The following TGM6 variants were observed in gnomAD, a reference collection of about 807,000 sequenced individuals.
The protein encoded by TGM6 is protein-glutamine gamma-glutamyltransferase 6.
Under a neutral mutation model 77.5 loss-of-function variants are expected in TGM6, and 74 were observed. The observed-to-expected ratio is 0.96, with a 90% CI of 0.79 to 1.16. The LOEUF (loss-of-function observed/expected upper bound fraction) is 1.16. Among genes scored for constraint, TGM6 ranks in the 50% most tolerant of loss-of-function variants. TGM6 has a pLI of 0.00. For synonymous variants in TGM6, 383 were observed against 378.9 expected (o/e 1.01, Z -0.12); for missense variants, 968 against 940.2 (o/e 1.03, Z -0.39).
At chr20:2,394,076 G>C (rs1053641353) in intron 1 of TGM6, among the ~76,000 whole-genome samples, 10 of 152,038 alleles carry the variant, frequency 6.6e-5, no homozygotes, top group African/African-American at 2.4e-4. Context: ...GATCACCTGA[G>C]GTCAGGAGTT....
Position 2,394,485 on chromosome 20 carries a change from C to A in TGM6, c.41C>A (p.Ser14Ter), listed in dbSNP as rs146817175. 3.1e-6 allele frequency: 5 copies of A among 1,611,412 alleles called. No homozygotes were observed. Among genetic ancestry groups the A allele is most frequent in the African/African-American group, 2.7e-5 (2 of 74,820 alleles). ...GTCACCAAGGTGGACTGGCAGCGGT[C>A]GAGGAATGGCGCTGCCCACCACACC... is the stretch of plus-strand genomic sequence containing the variant. The part of the protein sequence containing the change: ...IRVTKVDWQR[S>*]RNGAAHHTQE... Residue 14 changes from serine to a stop codon, truncating the protein, a stop_gained, in exon 2 of 13, where the codon TCG becomes TAG. Transcript: ENST00000202625. LOFTEE classifies it high-confidence loss of function.
chr20:2,402,403 C>T (rs2084717199), intron 7 of TGM6, among the ~76,000 whole-genome samples: 1 of 152,168 alleles, frequency 6.6e-6, no homozygotes, highest in African/African-American at 2.4e-5. Context: ...CTTTGCTCCC[C>T]TTGGCCTCTC....
chr20:2,403,441 T>A lies in TGM6; in HGVS notation c.1034T>A (p.Leu345Gln). 1 of 1,614,158 alleles carries A rather than the reference T, an allele frequency of 6.2e-7. No homozygotes were observed. The highest frequency in any genetic ancestry group is 1.3e-5 in the African/African-American group (1 of 75,038). The change falls in exon 8 of 13, where the codon CTA becomes CAA. Residue 345 changes from leucine to glutamine, a missense_variant. Physicochemically the swap from Leu to Gln is moderately radical, Grantham distance 113 (BLOSUM62 -2). Coordinates refer to ENST00000202625, the MANE Select transcript of TGM6 (RefSeq NM_198994.3). The part of the protein sequence containing the change: ...WNESWFARQD[L>Q]GPSYNGWQVL... ...GAGAGCTGGTTTGCCCGGCAGGACC[T>A]AGGCCCCTCTTACAATGGCTGGCAG...
chr20:2,417,101 G>C (rs1599960865), intron 9 of TGM6, 131 bp from the exon 10 acceptor site: 1 of 784,322 alleles, frequency 1.3e-6, no homozygotes, highest in Non-Finnish European at 2.1e-6. Context: ...TATTTACATA[G>C]AGAATCAAAC....
intron 7 of TGM6, among the ~76,000 whole-genome samples, chr20:2,402,900 T>C (rs1287559004): frequency 6.6e-6 from 1 of 152,236 alleles, no homozygotes; most frequent in Non-Finnish European, 1.5e-5. Context: ...TTAGGACCTT[T>C]GCACATGCTG....
intron 1 of TGM6, among the ~76,000 whole-genome samples, chr20:2,381,265 G>T (rs906034772): frequency 6.6e-6 from 1 of 152,192 alleles, no homozygotes; most frequent in African/African-American, 2.4e-5. Context: ...GGCACAGGAA[G>T]GCAGGGGCAG....
chr20:2,404,510 C>T (rs1396070278), intron 9 of TGM6, among the ~76,000 whole-genome samples: 1 of 152,176 alleles, frequency 6.6e-6, no homozygotes, highest in East Asian at 1.9e-4. Flanking sequence ...ACCCTGTCTC[C>T]TCCTGTCCCC....
In TGM6 at chr20:2,396,635, G is replaced by C. The variant is rs748778105; in HGVS notation, c.543+11G>C. Reference sequence around the variant, plus strand: ...TGGAACTACGGGCAGGTCTCCAGGGGCACAGGCCAGACAAGGATGTGGGCT... The same window carrying C: ...TGGAACTACGGGCAGGTCTCCAGGGCCACAGGCCAGACAAGGATGTGGGCT... On this transcript the variant is annotated intron_variant, in intron 4 of 12. Transcript: ENST00000202625. 2 of 1,613,412 alleles carry C rather than the reference G, an allele frequency of 1.2e-6. No homozygotes were observed. The highest frequency in any genetic ancestry group is 1.3e-5 in the African/African-American group (1 of 75,042).
Position 2,399,742 on chromosome 20 carries a change from C to T in TGM6, c.850+4C>T, listed in dbSNP as rs765181893. On this transcript the variant is annotated splice_donor_region_variant and intron_variant, in intron 6 of 12. Coordinates refer to ENST00000202625, the MANE Select transcript of TGM6 (RefSeq NM_198994.3). Reference sequence around the variant, plus strand: ...TTCGCCGGAGTCCTGTGCACAGGTACCCTGGGAGAGAAGGGCCCCAGGGTA... The same window carrying T: ...TTCGCCGGAGTCCTGTGCACAGGTATCCTGGGAGAGAAGGGCCCCAGGGTA... 8.1e-6 allele frequency: 13 copies of T among 1,613,048 alleles called. No homozygotes were observed. In the East Asian group the frequency reaches 2.0e-4, roughly 25 times the overall value.
intron 10 of TGM6, among the ~76,000 whole-genome samples, chr20:2,422,058 G>T (rs980347832): frequency 6.6e-6 from 1 of 152,092 alleles, no homozygotes; most frequent in African/African-American, 2.4e-5. Flanking sequence ...CTTGAACCCG[G>T]GAGGCGGAGG....
intron 7 of TGM6, among the ~76,000 whole-genome samples, chr20:2,400,960 A>C (rs1005577296): frequency 6.6e-6 from 1 of 151,960 alleles, no homozygotes; most frequent in African/African-American, 2.4e-5. Context: ...AATTGCTTGA[A>C]CCCAGGAGGC....
chr20:2,397,529 G>A (rs1293445488), intron 4 of TGM6, among the ~76,000 whole-genome samples: 1 of 152,192 alleles, frequency 6.6e-6, no homozygotes, highest in East Asian at 1.9e-4. Flanking sequence ...AAACCTAAAT[G>A]TGTATGCAAA....
chr20:2,409,858 T>A (rs1389988442), intron 9 of TGM6, among the ~76,000 whole-genome samples: 1 of 152,206 alleles, frequency 6.6e-6, no homozygotes, highest in Non-Finnish European at 1.5e-5. Context: ...ACCAGTTGAT[T>A]CTTTGAAAAG....
chr20:2,399,616 G>C lies in TGM6; in HGVS notation c.728G>C (p.Gly243Ala), dbSNP rs751595281. Residue 243 changes from glycine to alanine, a missense_variant, in exon 6 of 13, where the codon GGC becomes GCC. Physicochemically the swap from Gly to Ala is moderately conservative, Grantham distance 60. Coordinates refer to ENST00000202625, the MANE Select transcript of TGM6 (RefSeq NM_198994.3). ...CAAGGACAGTGGCAGGGCAAGTACG[G>C]CGGCGGCACCAGCCCGCTGCACTGG... ...VVQGQWQGKY[G>A]GGTSPLHWRG... The C allele has an allele frequency of 3.7e-6, 6 of 1,613,438 alleles. No individual in the cohort carries two copies. Among genetic ancestry groups the C allele is most frequent in the Non-Finnish European group, 5.1e-6 (6 of 1,179,978 alleles).
intron 1 of TGM6, among the ~76,000 whole-genome samples, chr20:2,385,994 C>T (rs2084592906): frequency 6.6e-6 from 1 of 152,156 alleles, no homozygotes; most frequent in African/African-American, 2.4e-5. Flanking sequence ...ACAGAAGCCT[C>T]CGTCTTAAAA....
At chr20:2,395,611 G>A (rs1176074113) in intron 3 of TGM6, among the ~76,000 whole-genome samples, 175 bp downstream of exon 3, 1 of 152,100 alleles carries the variant, frequency 6.6e-6, no homozygotes, top group African/African-American at 2.4e-5. Context: ...CTGGTAGCAG[G>A]TGCTTCAAAG....
intron 9 of TGM6, among the ~76,000 whole-genome samples, chr20:2,415,062 C>T (rs1359499740): frequency 6.6e-6 from 1 of 151,998 alleles, no homozygotes; most frequent in Non-Finnish European, 1.5e-5. Flanking sequence ...AATTATATCT[C>T]AATAAAGTTG....
chr20:2,426,939 T>C (rs1298514077), intron 10 of TGM6, among the ~76,000 whole-genome samples: 1 of 152,208 alleles, frequency 6.6e-6, no homozygotes, highest in Non-Finnish European at 1.5e-5. Flanking sequence ...TCTATGTTCA[T>C]ATTGGTCTGT....
At chr20:2,411,202 G>A (rs557084224) in intron 9 of TGM6, among the ~76,000 whole-genome samples, 4 of 152,158 alleles carry the variant, frequency 2.6e-5, no homozygotes, top group South Asian at 2.1e-4. Context: ...GAATGTGAAA[G>A]CAAAAATCAA....
Sources: gnomAD v4.1 joint callset for allele counts (sites outside exome capture counted in the v4.1 genomes callset) on GRCh38, gnomAD v4.1.1 for gene constraint, MANE v1.5 for transcripts, NCBI Gene and HGNC (gene_info 2026-07-23, HGNC 2026-07-21) for gene names.